The following SLC4A1 variants were observed in gnomAD, a reference collection of about 807,000 sequenced individuals.
The protein encoded by SLC4A1 is band 3 anion transport protein.
In SLC4A1, 29 loss-of-function variants were observed where a neutral mutation model predicts 93.1. The observed-to-expected ratio is 0.31, with a 90% CI of 0.23 to 0.42. The LOEUF is 0.42. Ranked by LOEUF, SLC4A1 falls within the 20% of genes least tolerant of loss-of-function variation. SLC4A1 has a pLI of 1.00. For missense variants in SLC4A1, 965 were observed against 1,190.1 expected (o/e 0.81, Z 2.78); for synonymous variants, 469 against 497.2 (o/e 0.94, Z 0.76).
At position 44,261,643 on chromosome 17, in the gene SLC4A1, A is replaced by T. The variant is rs777836374; in HGVS notation, c.107-7T>A. Reference sequence around the variant, plus strand: ...GTTGCCTCGGTGTCGTGAGCTGAAAACCAGAGGTCGGTTAGTATTGACCTG... The same window carrying T: ...GTTGCCTCGGTGTCGTGAGCTGAAATCCAGAGGTCGGTTAGTATTGACCTG... On this transcript the variant is annotated splice_region_variant and splice_polypyrimidine_tract_variant and intron_variant, in intron 3 of 19. Transcript: ENST00000262418. 1.6e-5 allele frequency: 26 copies of T among 1,613,732 alleles called. No homozygotes were observed. Among genetic ancestry groups the T allele is most frequent in the Non-Finnish European group, 2.2e-5 (26 of 1,179,858 alleles).
At chr17:44,267,449 T>TC (rs1321042171) in intron 1 of SLC4A1, among the ~76,000 whole-genome samples, 1 of 152,240 alleles carries the variant, frequency 6.6e-6, no homozygotes, top group East Asian at 1.9e-4. Context: ...GCTGTCATTA[T>TC]CCCTTGCTGC....
chr17:44,251,739 TG>T (rs2047344343), intron 17 of SLC4A1, 151 bp from the exon 18 acceptor site: 22 of 607,870 alleles, frequency 3.6e-5, no homozygotes, highest in African/African-American at 1.4e-4. Context: ...TTTTTTTTTT[TG>T]TTTTTTTTTT....
At chr17:44,264,514 C>T (rs2047479025) in intron 1 of SLC4A1, among the ~76,000 whole-genome samples, 1 of 152,198 alleles carries the variant, frequency 6.6e-6, no homozygotes, top group African/African-American at 2.4e-5. Context: ...GATTTGTGTT[C>T]ATATTATCTG....
chr17:44,261,417 G>A (rs370981398), intron 4 of SLC4A1, among the ~76,000 whole-genome samples, 158 bp downstream of exon 4: 16 of 152,318 alleles, frequency 1.1e-4, no homozygotes, highest in East Asian at 3.9e-4. Flanking sequence ...TCAGTGGGGC[G>A]TCCCTCCCAC....
Position 44,250,337 on chromosome 17 carries a change from G to T in SLC4A1, c.*121C>A. On this transcript the variant is annotated 3_prime_UTR_variant, in exon 20 of 20. Transcript: ENST00000262418. Reference sequence around the variant, plus strand: ...CCTTCCTTCCCCACCCACAGCCCTGGGGCCTCAGCTGCTGCTCCAGGAGGA... The same window carrying T: ...CCTTCCTTCCCCACCCACAGCCCTGTGGCCTCAGCTGCTGCTCCAGGAGGA... 1.2e-6 allele frequency: 1 copy of T among 818,846 alleles called. No individual in the cohort carries two copies. The allele number at this position is 818,846 out of a possible 1,614,324, so 50.7% of individuals were successfully genotyped here.
At chr17:44,266,192 G>A (rs1047519111) in intron 1 of SLC4A1, among the ~76,000 whole-genome samples, 1 of 151,990 alleles carries the variant, frequency 6.6e-6, no homozygotes, top group Non-Finnish European at 1.5e-5. Flanking sequence ...GCAGGGCTTG[G>A]CTTTGCTCCT....
chr17:44,255,111 A>G, intron 15 of SLC4A1, 96 bp downstream of exon 15: 1 of 844,500 alleles, frequency 1.2e-6, no homozygotes, highest in Middle Eastern at 2.2e-4. Context: ...AGCTGGCTTC[A>G]GGTTGGGGAA....
At chr17:44,265,565 G>T (rs2047489565) in intron 1 of SLC4A1, among the ~76,000 whole-genome samples, 1 of 152,062 alleles carries the variant, frequency 6.6e-6, no homozygotes, top group African/African-American at 2.4e-5. Flanking sequence ...TAGAGACGGG[G>T]TTTCACTGTG....
rs780297314 is a variant in SLC4A1 at position 44,251,427 on chromosome 17, C to T, written c.2473G>A (p.Val825Ile). The change falls in exon 18 of 20, where the codon GTC becomes ATC. Residue 825 changes from valine to isoleucine, a missense_variant. Coordinates refer to ENST00000262418, the MANE Select transcript of SLC4A1 (RefSeq NM_000342.4). The stretch of plus-strand genomic sequence containing the variant: ...AGAAAAGGGTCCTGTACCCGCTTGA[C>T]GTAGGGCACATCTGGGTGATACTTG... The part of the protein sequence containing the change: ...PPKYHPDVPY[V>I]KRVKTWRMHL... 8.1e-6 allele frequency: 13 copies of T among 1,614,260 alleles called. No individual in the cohort carries two copies. Among genetic ancestry groups the T allele is most frequent in the South Asian group, 4.4e-5 (4 of 91,090 alleles).
At position 44,254,496 on chromosome 17, in the gene SLC4A1, G is replaced by A. The variant is rs143131877; in HGVS notation, c.2057C>T (p.Thr686Met). ...ILIFLESQIT[T>M]LIVSKPERKM... Reference sequence around the variant, plus strand: ...GCCCAGCCCCCACCCTGTCTCTCACGTGGTGATCTGAGACTCCAGGAATAT... The same window carrying A: ...GCCCAGCCCCCACCCTGTCTCTCACATGGTGATCTGAGACTCCAGGAATAT... The change falls in exon 16 of 20, where the codon ACG becomes ATG. Residue 686 changes from threonine to methionine, a missense_variant and splice_region_variant. Physicochemically the swap from Thr to Met is moderately conservative, Grantham distance 81. Around this residue, in one of 2 missense-constraint regions of SLC4A1, gnomAD observed 770 missense variants for 1,006.6 expected, o/e 0.76. Coordinates refer to ENST00000262418, the MANE Select transcript of SLC4A1 (RefSeq NM_000342.4). The A allele has an allele frequency of 1.3e-4, 142 of 1,074,576 alleles. No individual in the cohort carries two copies. Among genetic ancestry groups the A allele is most frequent in the Non-Finnish European group, 1.7e-4 (131 of 751,040 alleles). The allele number at this position is 1,074,576 out of a possible 1,614,324, so 66.6% of individuals were successfully genotyped here. A position where few individuals can be genotyped will look rare whatever the true frequency, so the allele number is the denominator to read the frequency against.
intron 15 of SLC4A1, among the ~76,000 whole-genome samples, chr17:44,254,958 G>T (rs144283470): frequency 1.3e-5 from 2 of 152,278 alleles, no homozygotes; most frequent in Non-Finnish European, 2.9e-5. Context: ...TGGCTCCAAA[G>T]AATACTTCTT....
At chr17:44,265,213 G>C (rs1420720402) in intron 1 of SLC4A1, among the ~76,000 whole-genome samples, 1 of 152,078 alleles carries the variant, frequency 6.6e-6, no homozygotes, top group African/African-American at 2.4e-5. Context: ...GGGAACACAG[G>C]GCAGCCTCAG....
chr17:44,265,184 C>T (rs565961020), intron 1 of SLC4A1, among the ~76,000 whole-genome samples: 1 of 151,776 alleles, frequency 6.6e-6, no homozygotes, highest in African/African-American at 2.4e-5. Context: ...AGCTCCTAGC[C>T]GCGACAGGGA....
intron 2 of SLC4A1, 22 bp from the exon 3 acceptor site, chr17:44,262,748 G>A (rs1172475024): frequency 6.2e-7 from 1 of 1,611,800 alleles, no homozygotes; most frequent in African/African-American, 1.3e-5. Context: ...GGCCGCTGAG[G>A]CTGGGCTGTG....
intron 17 of SLC4A1, 152 bp from the exon 18 acceptor site, chr17:44,251,740 G>GTTT (rs796542650): frequency 3.5e-5 from 9 of 257,914 alleles, no homozygotes; most frequent in East Asian, 7.3e-5. Flanking sequence ...TTTTTTTTTT[G>GTTT]TTTTTTTTTT....
intron 13 of SLC4A1, 125 bp downstream of exon 13, chr17:44,257,225 C>T (rs558208958): frequency 1.1e-5 from 10 of 885,174 alleles, no homozygotes; most frequent in African/African-American, 6.6e-5. Flanking sequence ...CTCCTGATCT[C>T]GGGTGATCCA....
chr17:44,259,875 A>G lies in SLC4A1; in HGVS notation c.543T>C (p.Ser181=), dbSNP rs1481462754. 6.2e-7 allele frequency: 1 copy of G among 1,614,044 alleles called. No homozygotes were observed. The highest frequency in any genetic ancestry group is 8.5e-7 in the Non-Finnish European group (1 of 1,179,988). ...GGVKPAVLTR[S]GDPSQPLLPQ... Reference sequence around the variant, plus strand: ...GGAGCAGAGGCTGTGAAGGATCCCCAGAGCGTGTCAGGACTGCAGGCTTCA... The same window carrying G: ...GGAGCAGAGGCTGTGAAGGATCCCCGGAGCGTGTCAGGACTGCAGGCTTCA... Residue 181 remains serine (S), a synonymous_variant, in exon 7 of 20, where the codon TCT becomes TCC. Transcript: ENST00000262418.
intron 14 of SLC4A1, 110 bp downstream of exon 14, chr17:44,255,563 G>T: frequency 8.4e-7 from 1 of 1,186,652 alleles, no homozygotes; most frequent in Non-Finnish European, 1.2e-6. Flanking sequence ...AATTGGGAAT[G>T]GGAATCTGAA....
Position 44,262,581 on chromosome 17 carries a change from G to T in SLC4A1, c.106+55C>A, listed in dbSNP as rs45469892. On this transcript the variant is annotated intron_variant, in intron 3 of 19. Transcript: ENST00000262418. ...AGGGGAGAGGACAAGTGCCCCTCCT[G>T]TCCCTGTCTAGGGCTCAGCAGCTCA... The T allele has an allele frequency of 0.027, 37,131 of 1,362,758 alleles. 697 individuals are homozygous for T. The highest frequency in any genetic ancestry group is 0.031 in the Non-Finnish European group (30,270 of 969,750). The allele number at this position is 1,362,758 out of a possible 1,614,324, so 84.4% of individuals were successfully genotyped here.
Sources: gnomAD v4.1 joint callset for allele counts (sites outside exome capture counted in the v4.1 genomes callset) on GRCh38, gnomAD v4.1.1 for gene constraint, gnomAD v4.1.1 regional missense constraint, MANE v1.5 for transcripts, NCBI Gene and HGNC (gene_info 2026-07-23, HGNC 2026-07-21) for gene names.